Variants in APBA1 observed in about 807,000 individuals in gnomAD.
APBA1 encodes amyloid beta precursor protein binding family A member 1.
APBA1 carries 55 observed loss-of-function variants against 86.6 expected under a neutral mutation model. The ratio of observed to expected loss-of-function variants is 0.64; its 90% confidence interval spans 0.51 to 0.80. The LOEUF is 0.80. Ranked by LOEUF, APBA1 falls within the 30% of genes least tolerant of loss-of-function variation. The pLI is 0.00. For missense variants in APBA1, 1,090 were observed against 1,183.0 expected (o/e 0.92, Z 1.15); for synonymous variants, 511 against 493.9 (o/e 1.03, Z -0.46).
chr9:69,497,435 A>G (rs1345049265), intron 2 of APBA1, among the ~76,000 whole-genome samples: 4 of 152,064 alleles, frequency 2.6e-5, no homozygotes, highest in African/African-American at 7.2e-5. Context: ...TGTACAATAC[A>G]CTGGGCCACA....
At chr9:69,603,568 C>A (rs1822398186) in intron 1 of APBA1, among the ~76,000 whole-genome samples, 1 of 152,332 alleles carries the variant, frequency 6.6e-6, no homozygotes, top group Admixed American at 6.5e-5. Context: ...ATTGCCATAT[C>A]TTTATACATA....
intron 1 of APBA1, among the ~76,000 whole-genome samples, chr9:69,555,425 G>A (rs1836846358): frequency 6.6e-6 from 1 of 152,062 alleles, no homozygotes; most frequent in Non-Finnish European, 1.5e-5. Context: ...TCTGTGTTAT[G>A]TAAAATATCC....
chr9:69,624,963 C>T (rs10511967), intron 1 of APBA1, among the ~76,000 whole-genome samples: 7,778 of 152,264 alleles, frequency 0.051, 301 homozygotes, highest in African/African-American at 0.1. Context: ...TTGCTAACAA[C>T]CAACCCACAG....
At chr9:69,436,249 C>T (rs1834717080) in intron 11 of APBA1, among the ~76,000 whole-genome samples, 1 of 149,926 alleles carries the variant, frequency 6.7e-6, no homozygotes, top group African/African-American at 2.5e-5. Context: ...TTAGGATTGA[C>T]TTGGCAATGT....
intron 1 of APBA1, among the ~76,000 whole-genome samples, chr9:69,595,693 T>C (rs1411441): frequency 0.079 from 12,008 of 152,176 alleles, 677 homozygotes; most frequent in African/African-American, 0.16. Context: ...TGAGGCTAAA[T>C]ACCCTGGATC....
intron 11 of APBA1, among the ~76,000 whole-genome samples, chr9:69,433,584 T>C (rs777658050): frequency 1.3e-5 from 2 of 152,120 alleles, no homozygotes; most frequent in Non-Finnish European, 2.9e-5. Context: ...TAATGCAGTT[T>C]AACTATGAAC....
chr9:69,473,805 T>C (rs1835401672), intron 3 of APBA1, among the ~76,000 whole-genome samples: 1 of 152,226 alleles, frequency 6.6e-6, no homozygotes, highest in Admixed American at 6.5e-5. Flanking sequence ...TCTCTATGCA[T>C]GAGCTCATGA....
At chr9:69,607,799 G>A (rs1822507411) in intron 1 of APBA1, among the ~76,000 whole-genome samples, 1 of 152,166 alleles carries the variant, frequency 6.6e-6, no homozygotes. Context: ...TACTTGGGCT[G>A]GAATCTCAGG....
intron 2 of APBA1, among the ~76,000 whole-genome samples, chr9:69,491,286 T>G (rs1357391687): frequency 2.0e-5 from 3 of 152,050 alleles, no homozygotes; most frequent in Non-Finnish European, 4.4e-5. Flanking sequence ...TAAAAAAGGA[T>G]GAGTTCATGT....
chr9:69,635,909 T>C (rs968984525), intron 1 of APBA1, among the ~76,000 whole-genome samples: 3 of 151,980 alleles, frequency 2.0e-5, no homozygotes, highest in Non-Finnish European at 4.4e-5. Flanking sequence ...AATGGACAAA[T>C]GTGATCACAT....
chr9:69,431,138 A>C lies in APBA1; in HGVS notation c.*189T>G. 1 of 451,476 alleles carries C rather than the reference A, an allele frequency of 2.2e-6. No homozygotes were observed. Among genetic ancestry groups the C allele is most frequent in the Non-Finnish European group, 3.8e-6 (1 of 264,762 alleles). 28.0% of individuals were successfully genotyped at this position (451,476 alleles called of 1,614,324 possible). A position where few individuals can be genotyped will look rare whatever the true frequency, so the allele number is the denominator to read the frequency against. ...GGAGTGCATACGAAACTTCCCTGGTATTGAAAAAAAAAAAAAAAAAAAAGC... is the reference window on the plus strand; with the variant it reads ...GGAGTGCATACGAAACTTCCCTGGTCTTGAAAAAAAAAAAAAAAAAAAAGC... On this transcript the variant is annotated 3_prime_UTR_variant, in exon 13 of 13. Coordinates refer to ENST00000265381, the MANE Select transcript of APBA1 (RefSeq NM_001163.4).
chr9:69,510,356 A>G (rs1836012273), intron 2 of APBA1, among the ~76,000 whole-genome samples: 2 of 150,708 alleles, frequency 1.3e-5, no homozygotes, highest in South Asian at 4.2e-4. Flanking sequence ...TAGGAATCCA[A>G]CTTACAAGGG....
At chr9:69,672,472 G>C (rs1376799004), upstream of APBA1, among the ~76,000 whole-genome samples, 2 of 148,438 alleles carry the variant, frequency 1.3e-5, no homozygotes, top group African/African-American at 4.9e-5. Flanking sequence ...GGGAGGGCGC[G>C]GGGGAGCGCG....
At chr9:69,626,916 A>C (rs1295263473) in intron 1 of APBA1, among the ~76,000 whole-genome samples, 1 of 151,576 alleles carries the variant, frequency 6.6e-6, no homozygotes, top group African/African-American at 2.4e-5. Context: ...AAAAAAAAAA[A>C]CTTGGACAAT....
At chr9:69,441,274 A>T (rs1834818704) in intron 10 of APBA1, among the ~76,000 whole-genome samples, 159 bp from the exon 11 acceptor site, 1 of 152,184 alleles carries the variant, frequency 6.6e-6, no homozygotes, top group Admixed American at 6.5e-5. Flanking sequence ...TGGTACAGTC[A>T]CTGCTCGGCT....
intron 1 of APBA1, among the ~76,000 whole-genome samples, chr9:69,582,999 G>C (rs972718072): frequency 6.6e-6 from 1 of 152,166 alleles, no homozygotes; most frequent in Non-Finnish European, 1.5e-5. Flanking sequence ...CTGTATGGAA[G>C]CTGTATCTGA....
intron 1 of APBA1, among the ~76,000 whole-genome samples, chr9:69,671,244 C>T (rs551252789): frequency 6.6e-6 from 1 of 152,266 alleles, no homozygotes; most frequent in South Asian, 2.1e-4. Context: ...ACAATAGAAA[C>T]TGCACAGTCA....
chr9:69,598,929 C>T (rs1057287826), intron 1 of APBA1, among the ~76,000 whole-genome samples: 44 of 152,290 alleles, frequency 2.9e-4, no homozygotes, highest in African/African-American at 1.0e-3. Flanking sequence ...CATTTTATAA[C>T]TGTCTCAAAG....
intron 1 of APBA1, among the ~76,000 whole-genome samples, chr9:69,661,034 CA>C (rs1823743630): frequency 6.6e-6 from 1 of 152,016 alleles, no homozygotes; most frequent in African/African-American, 2.4e-5. Context: ...TAGATGGTTG[CA>C]AAAAGTTAAA....
Sources: gnomAD v4.1 joint callset for allele counts (sites outside exome capture counted in the v4.1 genomes callset) on GRCh38, gnomAD v4.1.1 for gene constraint, MANE v1.5 for transcripts, NCBI Gene and HGNC (gene_info 2026-07-23, HGNC 2026-07-21) for gene names.